The following TENM2 variants were observed in gnomAD, a reference collection of about 807,000 sequenced individuals.
TENM2 encodes teneurin-2.
TENM2 carries 52 observed loss-of-function variants against 245.2 expected under a neutral mutation model. That is an observed-to-expected ratio of 0.21 (90% CI 0.17 to 0.27). The LOEUF is 0.27. TENM2 is among the 10% of genes least tolerant of loss of function. TENM2 has a pLI of 1.00. For synonymous variants in TENM2, 1,363 were observed against 1,438.9 expected, an observed-to-expected ratio of 0.95 and a Z score of 1.19; for missense variants, 3,046 against 3,666.8, an observed-to-expected ratio of 0.83 and a Z score of 4.37.
exon 29 of TENM2, chr5:168,262,595 C>A: frequency 6.3e-7 from 1 of 1,578,804 alleles, no homozygotes. Context: ...ACAGAGGGCC[C>A]TGGGCACGGC....
At chr5:168,070,618 CAAAAAA>C (rs36098821) in intron 7 of TENM2, among the ~76,000 whole-genome samples, 3 of 132,870 alleles carry the variant, frequency 2.3e-5, no homozygotes, top group Non-Finnish European at 3.2e-5. Context: ...TCATCTCTAC[CAAAAAA>C]AAAAAAAAAA....
intron 23 of TENM2, among the ~76,000 whole-genome samples, chr5:168,219,821 C>G (rs947345957): frequency 1.0e-4 from 3 of 28,704 alleles, no homozygotes; most frequent in Non-Finnish European, 1.5e-4. Context: ...AGAGTTGGCA[C>G]AGCAAAAAAA....
chr5:167,291,680 C>T (rs752266568), intron 1 of TENM2, among the ~76,000 whole-genome samples: 34 of 152,222 alleles, frequency 2.2e-4, no homozygotes, highest in Non-Finnish European at 4.7e-4. Flanking sequence ...TAGGTTTATC[C>T]TGTGCTTGGA....
intron 3 of TENM2, among the ~76,000 whole-genome samples, chr5:167,935,891 A>C (rs1470610891): frequency 6.7e-6 from 1 of 149,914 alleles, no homozygotes; most frequent in Non-Finnish European, 1.5e-5. Context: ...AACAGGTATG[A>C]TTTTTTTTTT....
At chr5:168,237,594 C>T (rs186818220) in intron 25 of TENM2, among the ~76,000 whole-genome samples, 1,595 of 152,086 alleles carry the variant, frequency 0.01, 29 homozygotes, top group African/African-American at 0.035. Context: ...GTATCAAAAC[C>T]GCCACTCAAA....
chr5:167,925,059 T>C (rs1201039117), intron 3 of TENM2, among the ~76,000 whole-genome samples: 1 of 152,200 alleles, frequency 6.6e-6, no homozygotes, highest in Non-Finnish European at 1.5e-5. Flanking sequence ...TGTTCAACTG[T>C]AGATTTATGC....
At chr5:167,727,881 C>A (rs1561712458) in intron 2 of TENM2, among the ~76,000 whole-genome samples, 1 of 152,182 alleles carries the variant, frequency 6.6e-6, no homozygotes, top group Non-Finnish European at 1.5e-5. Context: ...CCAAATAAAT[C>A]CCAGGGACCC....
chr5:167,851,044 A>G (rs1039444740), intron 2 of TENM2, among the ~76,000 whole-genome samples: 1 of 152,214 alleles, frequency 6.6e-6, no homozygotes, highest in African/African-American at 2.4e-5. Context: ...TCTCCAAGGA[A>G]CCCAGCAGCA....
chr5:167,991,189 T>G (rs181387434), intron 4 of TENM2, among the ~76,000 whole-genome samples: 63 of 152,324 alleles, frequency 4.1e-4, no homozygotes, highest in Non-Finnish European at 8.4e-4. Context: ...ATAAACTAAG[T>G]AGCACCTACT....
intron 2 of TENM2, among the ~76,000 whole-genome samples, chr5:167,801,903 C>CAG (rs1259410761): frequency 1.3e-4 from 6 of 46,352 alleles, no homozygotes; most frequent in African/African-American, 4.5e-4. Context: ...TGCACACACA[C>CAG]AGACACACAC....
At chr5:167,381,630 T>C (rs1761101454) in intron 2 of TENM2, among the ~76,000 whole-genome samples, 1 of 152,200 alleles carries the variant, frequency 6.6e-6, no homozygotes, top group Admixed American at 6.6e-5. Flanking sequence ...GTAGCAGTTC[T>C]GGATAGATTC....
At chr5:167,846,135 C>T (rs1770018881) in intron 2 of TENM2, among the ~76,000 whole-genome samples, 2 of 152,162 alleles carry the variant, frequency 1.3e-5, no homozygotes, top group African/African-American at 4.8e-5. Flanking sequence ...TAGTAGCTAC[C>T]AGGTTGACAA....
the TENM2 span, among the ~76,000 whole-genome samples, chr5:167,086,029 A>G: frequency 6.6e-6 from 1 of 152,140 alleles, no homozygotes; most frequent in African/African-American, 2.4e-5. Context: ...AATTCCTCTC[A>G]CCCACAACTG....
chr5:167,281,926 G>A (rs1771088802), upstream of TENM2, among the ~76,000 whole-genome samples: 1 of 150,582 alleles, frequency 6.6e-6, no homozygotes, highest in Non-Finnish European at 1.5e-5. Flanking sequence ...CTTGAATCCG[G>A]GAGGCAGAGG....
upstream of TENM2, among the ~76,000 whole-genome samples, chr5:167,282,091 A>C (rs1192923006): frequency 3.3e-5 from 5 of 152,170 alleles, no homozygotes; most frequent in Non-Finnish European, 7.3e-5. Flanking sequence ...ACACGCATAC[A>C]TACACATATG....
At chr5:167,772,078 A>G (rs533158457) in intron 2 of TENM2, among the ~76,000 whole-genome samples, 2 of 152,288 alleles carry the variant, frequency 1.3e-5, no homozygotes, top group African/African-American at 4.8e-5. Context: ...CCTGAAATGA[A>G]AGTGGCATTT....
chr5:167,992,799 A>T, intron 4 of TENM2, 145 bp from the exon 7 acceptor site: 1 of 626,902 alleles, frequency 1.6e-6, no homozygotes, highest in Non-Finnish European at 2.8e-6. Context: ...CATCGAATGT[A>T]ATGTTCGCCC....
the TENM2 span, among the ~76,000 whole-genome samples, chr5:167,226,419 A>G: frequency 6.6e-6 from 1 of 151,972 alleles, no homozygotes; most frequent in Admixed American, 6.6e-5. Flanking sequence ...TTATTCAGGA[A>G]CATGTTGTTT....
intron 2 of TENM2, among the ~76,000 whole-genome samples, chr5:167,818,521 C>T (rs1767247045): frequency 1.3e-5 from 2 of 152,074 alleles, no homozygotes; most frequent in African/African-American, 2.4e-5. Context: ...GATCTCATTA[C>T]CCATAGTTTC....
Sources: gnomAD v4.1 joint callset for allele counts (sites outside exome capture counted in the v4.1 genomes callset) on GRCh38, gnomAD v4.1.1 for gene constraint, MANE v1.5 for transcripts, NCBI Gene and HGNC (gene_info 2026-07-23, HGNC 2026-07-21) for gene names.